Variants in GSE1 observed in about 807,000 individuals in gnomAD.
GSE1 encodes the protein genetic suppressor element 1.
A neutral mutation model predicts 112.6 loss-of-function variants in GSE1; 32 were observed. That is an observed-to-expected ratio of 0.28 (90% CI 0.21 to 0.38). The LOEUF (loss-of-function observed/expected upper bound fraction) is 0.38, where lower values mean the gene tolerates loss of function less well. Among genes scored for constraint, GSE1 ranks in the 10% least tolerant of loss-of-function variants. The probability of loss-of-function intolerance (pLI) is 1.00; values close to 1 mark genes in which losing one functional copy is unlikely to be tolerated. For missense variants in GSE1, 2,348 were observed against 1,699.2 expected (o/e 1.38, Z -6.71); for synonymous variants, 1,115 against 735.6 (o/e 1.52, Z -8.35).
chr16:85,526,679 G>A (rs188242838), intron 2 of GSE1, among the ~76,000 whole-genome samples: 73 of 152,312 alleles, frequency 4.8e-4, no homozygotes, highest in African/African-American at 1.6e-3. Flanking sequence ...GGTCTACGCC[G>A]CCTGCCAGCT....
At chr16:85,555,001 C>T (rs1281199838), upstream of GSE1, 10 of 985,220 alleles carry the variant, frequency 1.0e-5, no homozygotes, top group South Asian at 1.4e-4. Context: ...ATGGATCTGC[C>T]GCCCGGCTCG....
At chr16:85,631,296 T>C (rs2049520734) in intron 1 of GSE1, among the ~76,000 whole-genome samples, 1 of 152,232 alleles carries the variant, frequency 6.6e-6, no homozygotes, top group African/African-American at 2.4e-5. Context: ...GGCCATGTCC[T>C]CCAGTGTCCC....
rs533009581 is a variant in GSE1, at chr16:85,529,890, C to T, written c.2465-104024C>T. ...TCTGTCCTTTGCCAGCAGGACCAGCCGTGGCCTGTAGGGCACCTTGCTGCA... is the reference window on the plus strand; with the variant it reads ...TCTGTCCTTTGCCAGCAGGACCAGCTGTGGCCTGTAGGGCACCTTGCTGCA... On this transcript the variant is annotated intron_variant, in intron 2 of 2. Coordinates refer to the GSE1 transcript ENST00000637419. 4.6e-5 allele frequency among the ~76,000 whole-genome samples: 7 copies of T among 152,334 alleles called. No homozygotes were observed. The East Asian group carries it at 5.8e-4, about 13-fold the overall frequency.
At chr16:85,394,103 G>A (rs1285884012) in intron 2 of GSE1, among the ~76,000 whole-genome samples, 2 of 152,130 alleles carry the variant, frequency 1.3e-5, no homozygotes, top group Non-Finnish European at 2.9e-5. Context: ...TGACCCCCTG[G>A]GAGAATGAAC....
intron 1 of GSE1, among the ~76,000 whole-genome samples, chr16:85,589,104 C>T (rs1300869169): frequency 6.6e-6 from 1 of 152,156 alleles, no homozygotes; most frequent in East Asian, 1.9e-4. Flanking sequence ...ACCCGCCTCT[C>T]CCCTCCCTCC....
chr16:85,659,517 C>T (rs760832433), intron 8 of GSE1: 6 of 152,252 alleles, frequency 3.9e-5, no homozygotes, highest in Admixed American at 6.5e-5. Context: ...AATATGGTGA[C>T]CTCCTGGGAG....
intron 1 of GSE1, among the ~76,000 whole-genome samples, chr16:85,221,223 G>A (rs896249877): frequency 4.6e-5 from 7 of 151,986 alleles, no homozygotes; most frequent in African/African-American, 1.7e-4. Context: ...CGGGCGGGGG[G>A]CCGGGCTGTG....
intron 2 of GSE1, among the ~76,000 whole-genome samples, chr16:85,412,490 A>G (rs569229693): frequency 1.5e-4 from 5 of 32,718 alleles, no homozygotes; most frequent in African/African-American, 4.0e-4. Flanking sequence ...CCTCACCGTT[A>G]CACTCAGGGC....
At chr16:85,601,766 G>T (rs1258319264) in intron 1 of GSE1, among the ~76,000 whole-genome samples, 2 of 152,196 alleles carry the variant, frequency 1.3e-5, no homozygotes, top group Non-Finnish European at 2.9e-5. Context: ...CGTGAGCTAG[G>T]GAGCTGAGGC....
At chr16:85,240,197 T>C (rs890299257) in intron 1 of GSE1, among the ~76,000 whole-genome samples, 1 of 152,212 alleles carries the variant, frequency 6.6e-6, no homozygotes, top group Non-Finnish European at 1.5e-5. Context: ...TGCTTGGCCG[T>C]TGTCACTGTT....
chr16:85,444,078 G>A (rs941731626), intron 2 of GSE1, among the ~76,000 whole-genome samples: 4 of 134,940 alleles, frequency 3.0e-5, no homozygotes, highest in South Asian at 2.5e-4. Flanking sequence ...TCCGCCTCCC[G>A]GGTTCAAGCG....
chr16:85,274,978 G>C (rs1307054627), intron 1 of GSE1, among the ~76,000 whole-genome samples: 1 of 152,226 alleles, frequency 6.6e-6, no homozygotes, highest in Non-Finnish European at 1.5e-5. Context: ...TCCATCAGCA[G>C]CCTTGAGGCT....
chr16:85,379,289 G>A (rs1182015804), intron 2 of GSE1, among the ~76,000 whole-genome samples: 1 of 152,244 alleles, frequency 6.6e-6, no homozygotes, highest in Admixed American at 6.5e-5. Context: ...CACTAGCTGA[G>A]CAGCTTCCAG....
chr16:85,637,781 C>T (rs1011808934), intron 2 of GSE1, among the ~76,000 whole-genome samples: 3 of 151,652 alleles, frequency 2.0e-5, no homozygotes, highest in Admixed American at 1.3e-4. Flanking sequence ...GAAAGCCACA[C>T]CTGCCGGGGA....
At chr16:85,307,506 C>G (rs1228187178) in intron 1 of GSE1, among the ~76,000 whole-genome samples, 1 of 152,194 alleles carries the variant, frequency 6.6e-6, no homozygotes, top group African/African-American at 2.4e-5. Flanking sequence ...GGGGAGGGAC[C>G]CATGGGGTGA....
At chr16:85,503,755 CTG>C (rs1395240542) in intron 2 of GSE1, among the ~76,000 whole-genome samples, 1 of 152,164 alleles carries the variant, frequency 6.6e-6, no homozygotes, top group Non-Finnish European at 1.5e-5. Flanking sequence ...TAATTAGAAA[CTG>C]TAGTGTCCCC....
At chr16:85,564,798 A>T (rs537666372) in intron 1 of GSE1, among the ~76,000 whole-genome samples, 1 of 152,198 alleles carries the variant, frequency 6.6e-6, no homozygotes, top group East Asian at 1.9e-4. Flanking sequence ...GTGCCTGTCA[A>T]ATCTGTTCCC....
intron 1 of GSE1, chr16:85,286,081 G>C (rs2045016123): frequency 6.6e-6 from 1 of 152,334 alleles, no homozygotes; most frequent in Non-Finnish European, 1.5e-5. Flanking sequence ...CCCCTCCCCG[G>C]TCCCGAGCTG....
chr16:85,527,213 T>C (rs2052391690), intron 2 of GSE1, among the ~76,000 whole-genome samples: 1 of 152,206 alleles, frequency 6.6e-6, no homozygotes, highest in Non-Finnish European at 1.5e-5. Flanking sequence ...TGGGCTTGTC[T>C]CCCCACTGGT....
Sources: allele counts gnomAD v4.1 joint callset (sites outside exome capture counted in the v4.1 genomes callset), GRCh38; gene constraint gnomAD v4.1.1; transcripts MANE v1.5; gene names NCBI Gene and HGNC (gene_info 2026-07-23, HGNC 2026-07-21).